Variants in ROBO1 observed in about 807,000 individuals in gnomAD.
ROBO1 encodes the protein roundabout guidance receptor 1, also known as roundabout homolog 1.
A neutral mutation model predicts 195.9 loss-of-function variants in ROBO1; 149 were observed. That is an observed-to-expected ratio of 0.76 (90% CI 0.67 to 0.87). ROBO1 has a LOEUF of 0.87. Ranked by LOEUF, ROBO1 falls within the 40% of genes least tolerant of loss-of-function variation. ROBO1 has a pLI of 0.00. For missense variants in ROBO1, 1,933 were observed against 2,068.3 expected (o/e 0.93, Z 1.27); for synonymous variants, 816 against 733.2 (o/e 1.11, Z -1.82).
At chr3:78,967,888 TA>T (rs780266249) in intron 3 of ROBO1, among the ~76,000 whole-genome samples, 78 of 152,198 alleles carry the variant, frequency 5.1e-4, no homozygotes, top group Non-Finnish European at 8.1e-4. Context: ...TCAAACTGGC[TA>T]TATAGTTAAG....
Position 78,962,823 on chromosome 3 carries a change from C to CAAA in ROBO1, c.173-23899_173-23897dup, listed in dbSNP as rs770515270. Among the ~76,000 whole-genome samples, 123 of 26,192 alleles carry CAAA rather than the reference C, an allele frequency of 4.7e-3. 14 individuals carry two copies. The highest frequency in any genetic ancestry group is 0.011 in the African/African-American group (95 of 8,368). 17.2% of individuals were successfully genotyped at this position (26,192 alleles called of 152,430 possible). On this transcript the variant is annotated intron_variant, in intron 3 of 30. Transcript: ENST00000464233. ...TGGGCGACAGAGTGAGACTCCATCT[C>CAAA]AAAAAAAAAAAAAAAAAAAAAAAAA...
chr3:79,495,773 C>T (rs1939696384), intron 2 of ROBO1, among the ~76,000 whole-genome samples: 1 of 152,062 alleles, frequency 6.6e-6, no homozygotes, highest in Admixed American at 6.6e-5. Flanking sequence ...CCTTATATCT[C>T]AGTTTATAAA....
intron 1 of ROBO1, among the ~76,000 whole-genome samples, chr3:79,742,777 T>C (rs560668840): frequency 2.6e-5 from 4 of 152,170 alleles, no homozygotes; most frequent in Non-Finnish European, 5.9e-5. Flanking sequence ...CTTTTCTTAT[T>C]ATTATTGTGA....
intron 2 of ROBO1, among the ~76,000 whole-genome samples, chr3:79,226,386 A>G (rs1247334119): frequency 6.6e-6 from 1 of 151,822 alleles, no homozygotes; most frequent in African/African-American, 2.4e-5. Context: ...ATCCTCTGCA[A>G]CTCCTCTTAA....
intron 4 of ROBO1, among the ~76,000 whole-genome samples, chr3:78,766,804 C>G (rs563298282): frequency 1.1e-4 from 16 of 152,274 alleles, no homozygotes; most frequent in Admixed American, 1.0e-3. Flanking sequence ...GTATGCCAAT[C>G]TTGCTGAGAG....
intron 2 of ROBO1, among the ~76,000 whole-genome samples, chr3:79,237,200 T>C (rs1317198043): frequency 6.6e-6 from 1 of 152,110 alleles, no homozygotes; most frequent in Non-Finnish European, 1.5e-5. Flanking sequence ...AGTTCAAAAA[T>C]GGCCGGGCGC....
chr3:79,451,028 G>T (rs1025792910), intron 2 of ROBO1, among the ~76,000 whole-genome samples: 5 of 151,630 alleles, frequency 3.3e-5, no homozygotes, highest in Non-Finnish European at 4.4e-5. Context: ...TTCTAAGTTT[G>T]TATTTTCTCC....
intron 1 of ROBO1, among the ~76,000 whole-genome samples, chr3:79,739,042 G>A (rs1429983557): frequency 6.6e-6 from 1 of 152,164 alleles, no homozygotes; most frequent in Non-Finnish European, 1.5e-5. Context: ...AGTTGTTTCT[G>A]ATTTCCTCAT....
chr3:78,821,082 G>A (rs185290272), intron 4 of ROBO1, among the ~76,000 whole-genome samples: 15 of 151,488 alleles, frequency 9.9e-5, no homozygotes, highest in Non-Finnish European at 5.9e-5. Context: ...TAATCTGAAA[G>A]TGGAAAAAAT....
intron 3 of ROBO1, among the ~76,000 whole-genome samples, chr3:79,097,834 G>A (rs1298581214): frequency 6.6e-6 from 1 of 151,356 alleles, no homozygotes; most frequent in Non-Finnish European, 1.5e-5. Flanking sequence ...ACTTTTAGAA[G>A]AGATAAATTA....
At chr3:78,636,158 C>T (rs781444647) in intron 22 of ROBO1, 50 bp from the exon 23 acceptor site, 15 of 1,354,042 alleles carry the variant, frequency 1.1e-5, no homozygotes, top group Admixed American at 4.8e-5. Context: ...GTGGTTATTC[C>T]TTTTAAATTT....
intron 2 of ROBO1, among the ~76,000 whole-genome samples, chr3:79,142,627 G>A (rs1347309617): frequency 1.3e-5 from 2 of 152,038 alleles, no homozygotes; most frequent in Non-Finnish European, 2.9e-5. Context: ...CTAATGATGC[G>A]GCTCCTGTGT....
At chr3:78,973,036 C>G (rs1371409496) in intron 3 of ROBO1, among the ~76,000 whole-genome samples, 3 of 152,216 alleles carry the variant, frequency 2.0e-5, no homozygotes, top group Admixed American at 6.5e-5. Flanking sequence ...TGATGGCACT[C>G]AGTCATTAGT....
chr3:79,542,594 G>T (rs542506783), intron 2 of ROBO1, among the ~76,000 whole-genome samples: 29 of 152,100 alleles, frequency 1.9e-4, no homozygotes, highest in African/African-American at 6.5e-4. Context: ...TAATAGAAAT[G>T]CATGATTTTG....
chr3:79,436,846 G>A (rs1244502546), intron 2 of ROBO1, among the ~76,000 whole-genome samples: 4 of 151,820 alleles, frequency 2.6e-5, no homozygotes, highest in Admixed American at 1.3e-4. Flanking sequence ...TTAGCTTTTC[G>A]GGTTACAGAA....
intron 20 of ROBO1, among the ~76,000 whole-genome samples, chr3:78,646,999 A>T (rs1238493550): frequency 6.6e-6 from 1 of 152,034 alleles, no homozygotes; most frequent in Non-Finnish European, 1.5e-5. Flanking sequence ...GAAGAACTCC[A>T]AACTGGAAGT....
At chr3:78,883,272 C>T (rs2036294782) in intron 4 of ROBO1, among the ~76,000 whole-genome samples, 1 of 151,772 alleles carries the variant, frequency 6.6e-6, no homozygotes, top group Admixed American at 6.6e-5. Flanking sequence ...GTAGGTGGCA[C>T]AGAATTTAGT....
At chr3:79,118,815 A>T (rs1246503090) in intron 3 of ROBO1, among the ~76,000 whole-genome samples, 1 of 151,284 alleles carries the variant, frequency 6.6e-6, no homozygotes, top group African/African-American at 2.4e-5. Flanking sequence ...CATTGAGCCG[A>T]GACCCCACCA....
At chr3:78,636,946 TATA>T (rs1705547589) in intron 22 of ROBO1, among the ~76,000 whole-genome samples, 1 of 103,360 alleles carries the variant, frequency 9.7e-6, no homozygotes, top group Non-Finnish European at 1.9e-5. Flanking sequence ...TATATATATA[TATA>T]TATATATATA....
Sources: gnomAD v4.1 joint callset for allele counts (sites outside exome capture counted in the v4.1 genomes callset) on GRCh38, gnomAD v4.1.1 for gene constraint, MANE v1.5 for transcripts, NCBI Gene and HGNC (gene_info 2026-07-23, HGNC 2026-07-21) for gene names.